ROBO2: variants seen among roughly 807,000 people sequenced by gnomAD.
ROBO2 encodes the protein roundabout guidance receptor 2, also known as roundabout homolog 2.
ROBO2 carries 53 observed loss-of-function variants against 160.8 expected under a neutral mutation model. The observed-to-expected ratio is 0.33, with a 90% CI of 0.26 to 0.41. The LOEUF is 0.41. Ranked by LOEUF, ROBO2 falls within the 10% of genes least tolerant of loss-of-function variation. ROBO2 has a pLI of 1.00. For missense variants in ROBO2, 1,577 were observed against 1,722.4 expected, an observed-to-expected ratio of 0.92 and a Z score of 1.49; for synonymous variants, 664 against 611.7, an observed-to-expected ratio of 1.09 and a Z score of -1.26.
Position 76,613,433 on chromosome 3 carries a change from C to T in ROBO2, c.110-484581C>T, listed in dbSNP as rs78574460. Among the ~76,000 whole-genome samples, 59 of 152,110 alleles carry T rather than the reference C, an allele frequency of 3.9e-4. No individual in the cohort carries two copies. The East Asian group carries it at 0.01, about 26-fold the overall frequency. ...TTAAATAAAACTCTCATAAGGAAGC[C>T]TATTCTGATCCTTTTCTGTCAGCAT... On this transcript the variant is annotated intron_variant, in intron 2 of 26. Coordinates refer to the ROBO2 transcript ENST00000487694.
intron 2 of ROBO2, among the ~76,000 whole-genome samples, chr3:76,640,596 AGTGTGTGTGT>A (rs59208285): frequency 1.2e-4 from 17 of 147,130 alleles, no homozygotes; most frequent in South Asian, 4.3e-4. Flanking sequence ...TTTGCGTGTG[AGTGTGTGTGT>A]GTGTGTGTGT....
intron 2 of ROBO2, among the ~76,000 whole-genome samples, chr3:76,947,749 C>T (rs2078658766): frequency 6.6e-6 from 1 of 152,058 alleles, no homozygotes; most frequent in African/African-American, 2.4e-5. Flanking sequence ...TTCCTGCAAT[C>T]GATGACATGT....
At chr3:76,681,928 C>A (rs1476684155) in intron 2 of ROBO2, among the ~76,000 whole-genome samples, 1 of 152,054 alleles carries the variant, frequency 6.6e-6, no homozygotes, top group Non-Finnish European at 1.5e-5. Context: ...GAAATAAAGT[C>A]AGAAGCCATC....
intron 2 of ROBO2, among the ~76,000 whole-genome samples, chr3:76,908,075 A>G (rs1282139388): frequency 6.6e-6 from 1 of 152,076 alleles, no homozygotes. Flanking sequence ...CCTGACCTCA[A>G]GTGATCTGCC....
chr3:77,201,886 T>C (rs1286357790), intron 2 of ROBO2, among the ~76,000 whole-genome samples: 1 of 152,192 alleles, frequency 6.6e-6, no homozygotes, highest in Non-Finnish European at 1.5e-5. Context: ...ATATTGTTTA[T>C]CTTTAGATTT....
chr3:76,120,257 C>T (rs938735323), intron 2 of ROBO2, among the ~76,000 whole-genome samples: 6 of 152,114 alleles, frequency 3.9e-5, no homozygotes, highest in Non-Finnish European at 4.4e-5. Flanking sequence ...CCACCTCGGC[C>T]TTCCAAAGTG....
chr3:77,141,100 T>G (rs1401655249), intron 2 of ROBO2, among the ~76,000 whole-genome samples: 4 of 152,206 alleles, frequency 2.6e-5, no homozygotes, highest in Non-Finnish European at 5.9e-5. Context: ...ACAAAGAAAG[T>G]GTATGAAGTA....
At chr3:77,465,841 A>T (rs2082709133) in intron 2 of ROBO2, among the ~76,000 whole-genome samples, 1 of 152,200 alleles carries the variant, frequency 6.6e-6, no homozygotes. Flanking sequence ...AACATCTTCA[A>T]GCACATTGTT....
intron 2 of ROBO2, among the ~76,000 whole-genome samples, chr3:76,464,645 C>A (rs920238535): frequency 6.6e-6 from 1 of 151,864 alleles, no homozygotes; most frequent in African/African-American, 2.4e-5. Flanking sequence ...ACTCCTTTAC[C>A]CTTTCTCTAC....
intron 2 of ROBO2, among the ~76,000 whole-genome samples, chr3:77,473,651 T>A (rs2083632969): frequency 6.6e-6 from 1 of 151,440 alleles, no homozygotes; most frequent in African/African-American, 2.4e-5. Flanking sequence ...ACAGACGGGG[T>A]TTCACCGTGT....
intron 2 of ROBO2, among the ~76,000 whole-genome samples, chr3:77,426,678 CAGGA>C (rs142467400): frequency 0.29 from 34,489 of 119,510 alleles, 5,198 homozygotes; most frequent in Middle Eastern, 0.38. Flanking sequence ...ATCATTTGGT[CAGGA>C]AGGAAGGAAG....
chr3:77,230,303 C>G (rs1431674876), intron 2 of ROBO2, among the ~76,000 whole-genome samples: 2 of 152,106 alleles, frequency 1.3e-5, no homozygotes, highest in Non-Finnish European at 2.9e-5. Flanking sequence ...AGATTGATCT[C>G]TAACTCCAGA....
intron 2 of ROBO2, among the ~76,000 whole-genome samples, chr3:76,081,805 A>G (rs1222384680): frequency 6.6e-6 from 1 of 151,578 alleles, no homozygotes; most frequent in Non-Finnish European, 1.5e-5. Context: ...TTTGCCCTTT[A>G]TATGGAATAC....
intron 2 of ROBO2, among the ~76,000 whole-genome samples, chr3:76,316,568 C>T (rs931582197): frequency 2.0e-5 from 3 of 152,130 alleles, no homozygotes; most frequent in Non-Finnish European, 1.5e-5. Flanking sequence ...TGTTGAAACA[C>T]ACATGTTTTA....
At chr3:77,088,213 TAAGTA>T (rs1236438630) in intron 1 of ROBO2, among the ~76,000 whole-genome samples, 7 of 152,206 alleles carry the variant, frequency 4.6e-5, no homozygotes, top group African/African-American at 1.7e-4. Context: ...TAATGGTAGA[TAAGTA>T]AAGACCTGAG....
At chr3:76,513,378 A>G (rs1317270814) in intron 2 of ROBO2, among the ~76,000 whole-genome samples, 1 of 152,020 alleles carries the variant, frequency 6.6e-6, no homozygotes, top group Non-Finnish European at 1.5e-5. Flanking sequence ...TCTGAGGAAG[A>G]GTCTCACTCT....
chr3:77,534,036 A>T (rs958929634), intron 6 of ROBO2, among the ~76,000 whole-genome samples: 2 of 152,056 alleles, frequency 1.3e-5, no homozygotes, highest in Non-Finnish European at 2.9e-5. Context: ...TCTCACAATG[A>T]TGTTAGATAA....
At chr3:76,486,138 T>C (rs2079485235) in intron 2 of ROBO2, among the ~76,000 whole-genome samples, 1 of 152,144 alleles carries the variant, frequency 6.6e-6, no homozygotes. Flanking sequence ...GGTGGCATAA[T>C]ACCTGTGAAC....
intron 2 of ROBO2, among the ~76,000 whole-genome samples, chr3:76,337,309 C>T (rs2073955738): frequency 6.6e-6 from 1 of 152,084 alleles, no homozygotes; most frequent in Non-Finnish European, 1.5e-5. Flanking sequence ...AAAACTCTCC[C>T]CTGCTGTAAT....
Sources: gnomAD v4.1 joint callset for allele counts (sites outside exome capture counted in the v4.1 genomes callset) on GRCh38, gnomAD v4.1.1 for gene constraint, MANE v1.5 for transcripts, NCBI Gene and HGNC (gene_info 2026-07-23, HGNC 2026-07-21) for gene names.